The following NFATC3 variants were observed in gnomAD, a reference collection of about 807,000 sequenced individuals.
The protein encoded by NFATC3 is nuclear factor of activated T-cells, cytoplasmic 3.
NFATC3 carries 46 observed loss-of-function variants against 98.6 expected under a neutral mutation model. That is an observed-to-expected ratio of 0.47 (90% CI 0.37 to 0.60). NFATC3 has a LOEUF of 0.60. Among genes scored for constraint, NFATC3 ranks in the 20% least tolerant of loss-of-function variants. The pLI is 0.00. For missense variants in NFATC3, 1,256 were observed against 1,295.5 expected (o/e 0.97, Z 0.47); for synonymous variants, 512 against 472.2 (o/e 1.08, Z -1.09).
chr16:68,094,104 A>G (rs921380905), intron 1 of NFATC3, among the ~76,000 whole-genome samples: 1 of 152,160 alleles, frequency 6.6e-6, no homozygotes, highest in Admixed American at 6.6e-5. Context: ...CTAGACCCAA[A>G]TTTAGCTCTT....
intron 8 of NFATC3, 60 bp downstream of exon 8, chr16:68,183,426 T>G: frequency 1.3e-6 from 2 of 1,571,824 alleles, no homozygotes; most frequent in Non-Finnish European, 1.7e-6. Flanking sequence ...AAAAAGTTAT[T>G]TAACGAATCC....
chr16:68,201,861 C>G (rs112009721), intron 9 of NFATC3, among the ~76,000 whole-genome samples: 1,951 of 108,894 alleles, frequency 0.018, 40 homozygotes, highest in African/African-American at 0.055. Context: ...GGGAGGCTGG[C>G]ATAGGAGAAT....
In NFATC3 at chr16:68,126,451, A is replaced by T; in HGVS notation, c.1242A>T (p.Thr414=). The change falls in exon 3 of 10, where the codon ACA becomes ACT. Residue 414 remains threonine, a synonymous_variant. Transcript: ENST00000346183. ...TCTTTGTGTGTTTTGTTTGTAGCACATCTTCATTACCTCCACTAGACTGGC... is the reference window on the plus strand; with the variant it reads ...TCTTTGTGTGTTTTGTTTGTAGCACTTCTTCATTACCTCCACTAGACTGGC... ...PKPGHTPIFR[T]SSLPPLDWPL... The T allele has an allele frequency of 6.2e-7, 1 of 1,608,234 alleles. No homozygotes were observed. The highest frequency in any genetic ancestry group is 2.2e-5 in the East Asian group (1 of 44,802).
At chr16:68,222,289 CAAAA>C (rs58981935) in intron 9 of NFATC3, among the ~76,000 whole-genome samples, 5 of 26,414 alleles carry the variant, frequency 1.9e-4, no homozygotes, top group African/African-American at 3.7e-4. Context: ...ACCCCATTGC[CAAAA>C]AAAAAAAAAA....
At chr16:68,124,768 C>T (rs569649596) in intron 2 of NFATC3, among the ~76,000 whole-genome samples, 3 of 149,692 alleles carry the variant, frequency 2.0e-5, no homozygotes, top group South Asian at 2.1e-4. Flanking sequence ...ATCTCACTGT[C>T]GCCCAGGCTC....
intron 5 of NFATC3, among the ~76,000 whole-genome samples, chr16:68,172,639 G>A (rs1009011805): frequency 8.6e-5 from 13 of 151,974 alleles, no homozygotes; most frequent in African/African-American, 3.1e-4. Flanking sequence ...TTTTTTAGTT[G>A]TGTATGGTAA....
At chr16:68,168,630 C>G (rs1193749339) in intron 5 of NFATC3, among the ~76,000 whole-genome samples, 2 of 152,022 alleles carry the variant, frequency 1.3e-5, no homozygotes, top group African/African-American at 4.8e-5. Flanking sequence ...AGATTATAGG[C>G]GTGTGCCACC....
At chr16:68,126,232 T>G (rs1183366042) in intron 2 of NFATC3, among the ~76,000 whole-genome samples, 1 of 152,212 alleles carries the variant, frequency 6.6e-6, no homozygotes, top group African/African-American at 2.4e-5. Flanking sequence ...TGTACCACCT[T>G]TGGGAAATAA....
rs1205994174 is a variant in NFATC3 at position 68,126,448 on chromosome 16, C to G, written c.1239C>G (p.Arg413=). 3.1e-6 allele frequency: 5 copies of G among 1,606,430 alleles called. No homozygotes were observed. The highest frequency in any genetic ancestry group is 1.3e-5 in the African/African-American group (1 of 74,836). ...KPKPGHTPIF[R]TSSLPPLDWP... The stretch of plus-strand genomic sequence containing the variant: ...GCATCTTTGTGTGTTTTGTTTGTAG[C>G]ACATCTTCATTACCTCCACTAGACT... Residue 413 remains arginine (R), a splice_region_variant and synonymous_variant, in exon 3 of 10, where the codon CGC becomes CGG. Transcript: ENST00000346183.
chr16:68,158,227 C>T (rs1398932343), intron 4 of NFATC3, among the ~76,000 whole-genome samples, 159 bp downstream of exon 4: 3 of 151,924 alleles, frequency 2.0e-5, no homozygotes, highest in Non-Finnish European at 4.4e-5. Flanking sequence ...TAGCATATTT[C>T]CAGAAGGAAA....
chr16:68,108,501 C>T (rs911321721), intron 1 of NFATC3, among the ~76,000 whole-genome samples: 4 of 152,136 alleles, frequency 2.6e-5, no homozygotes, highest in South Asian at 2.1e-4. Flanking sequence ...AGTTTGAAGT[C>T]GGGTAACGTG....
intron 1 of NFATC3, among the ~76,000 whole-genome samples, chr16:68,092,391 T>C (rs1294348744): frequency 1.3e-5 from 2 of 150,290 alleles, no homozygotes; most frequent in Admixed American, 1.3e-4. Context: ...AGGTGGAGGT[T>C]GCAGTGAGCT....
chr16:68,196,509 A>G (rs138856414), intron 9 of NFATC3, among the ~76,000 whole-genome samples: 1 of 152,336 alleles, frequency 6.6e-6, no homozygotes, highest in East Asian at 1.9e-4. Flanking sequence ...ATGCCTAGAA[A>G]AAAAAGTTCT....
intron 4 of NFATC3, among the ~76,000 whole-genome samples, chr16:68,158,606 A>G (rs888793322): frequency 6.6e-6 from 1 of 152,168 alleles, no homozygotes; most frequent in African/African-American, 2.4e-5. Flanking sequence ...AAATATACAG[A>G]TAGATATTTT....
intron 9 of NFATC3, among the ~76,000 whole-genome samples, chr16:68,212,956 AT>A (rs1234209557): frequency 1.4e-3 from 167 of 117,582 alleles, no homozygotes; most frequent in Middle Eastern, 4.8e-3. Flanking sequence ...CGCCTGGCTG[AT>A]TTTTTTTTTT....
intron 3 of NFATC3, among the ~76,000 whole-genome samples, chr16:68,127,343 A>G (rs1055976217): frequency 1.3e-5 from 2 of 152,174 alleles, no homozygotes; most frequent in Non-Finnish European, 2.9e-5. Flanking sequence ...CTCTGTGTGT[A>G]TATTTAGTGG....
At chr16:68,195,098 CAA>C (rs575356501) in intron 9 of NFATC3, among the ~76,000 whole-genome samples, 2 of 139,208 alleles carry the variant, frequency 1.4e-5, no homozygotes, top group South Asian at 2.3e-4. Context: ...ACTACAAATA[CAA>C]AAAAAAAAAG....
chr16:68,168,371 C>G (rs558058410), intron 5 of NFATC3, among the ~76,000 whole-genome samples: 2 of 151,860 alleles, frequency 1.3e-5, no homozygotes, highest in Non-Finnish European at 2.9e-5. Flanking sequence ...CCATGTTGGC[C>G]ATGCTGGTCT....
intron 9 of NFATC3, chr16:68,221,404 T>G (rs2041859248): frequency 6.8e-7 from 1 of 1,477,732 alleles, no homozygotes. Flanking sequence ...AAGCACTTTG[T>G]TGCAGTTCTG....
Sources: gnomAD v4.1 joint callset for allele counts (sites outside exome capture counted in the v4.1 genomes callset) on GRCh38, gnomAD v4.1.1 for gene constraint, MANE v1.5 for transcripts, NCBI Gene and HGNC (gene_info 2026-07-23, HGNC 2026-07-21) for gene names.